Variants in CFAP20DC observed in about 807,000 individuals in gnomAD.
CFAP20DC encodes the protein CFAP20 domain containing.
CFAP20DC carries 84 observed loss-of-function variants against 101.7 expected under a neutral mutation model. That is an observed-to-expected ratio of 0.83 (90% CI 0.69 to 0.99). The LOEUF (loss-of-function observed/expected upper bound fraction) is 0.99, where lower values mean the gene tolerates loss of function less well. Ranked by LOEUF, CFAP20DC falls within the 50% of genes least tolerant of loss-of-function variation. The pLI is 0.00. For synonymous variants in CFAP20DC, 359 were observed against 351.2 expected (o/e 1.02, Z -0.25); for missense variants, 1,007 against 970.3 (o/e 1.04, Z -0.50).
At chr3:58,841,417 T>G (rs969605822) in intron 13 of CFAP20DC, among the ~76,000 whole-genome samples, 3 of 152,250 alleles carry the variant, frequency 2.0e-5, no homozygotes, top group Non-Finnish European at 4.4e-5. Flanking sequence ...TTAAAAATAC[T>G]AAAATAATTT....
At chr3:58,901,213 C>T (rs763354399) in intron 6 of CFAP20DC, among the ~76,000 whole-genome samples, 6 of 152,266 alleles carry the variant, frequency 3.9e-5, no homozygotes, top group East Asian at 3.9e-4. Flanking sequence ...CAAAATATTG[C>T]GATAAAGTGT....
At chr3:58,930,910 C>G (rs1041021249) in intron 5 of CFAP20DC, among the ~76,000 whole-genome samples, 11 of 152,240 alleles carry the variant, frequency 7.2e-5, no homozygotes, top group Middle Eastern at 3.4e-3. Flanking sequence ...GAGTGTCAGA[C>G]AGTGGGCGCA....
At chr3:58,938,929 A>G (rs1041340604) in intron 4 of CFAP20DC, among the ~76,000 whole-genome samples, 5 of 152,200 alleles carry the variant, frequency 3.3e-5, no homozygotes, top group Admixed American at 3.3e-4. Flanking sequence ...CCATAGTCAG[A>G]GCTAAGGTTT....
intron 4 of CFAP20DC, among the ~76,000 whole-genome samples, chr3:59,012,437 T>C (rs1239977338): frequency 6.7e-6 from 1 of 149,826 alleles, no homozygotes; most frequent in African/African-American, 2.5e-5. Flanking sequence ...TGAAAAGACC[T>C]TCAATGACAG....
intron 4 of CFAP20DC, among the ~76,000 whole-genome samples, chr3:58,992,806 A>G (rs915900699): frequency 6.6e-6 from 1 of 152,166 alleles, no homozygotes; most frequent in African/African-American, 2.4e-5. Flanking sequence ...AAATATCTAC[A>G]TAAATATCCA....
At chr3:58,836,560 T>C (rs1408881407) in intron 13 of CFAP20DC, among the ~76,000 whole-genome samples, 2 of 152,062 alleles carry the variant, frequency 1.3e-5, no homozygotes, top group African/African-American at 2.4e-5. Flanking sequence ...AAGAATCTCA[T>C]TCTGTTCTTC....
intron 4 of CFAP20DC, among the ~76,000 whole-genome samples, chr3:58,975,962 G>A (rs971381452): frequency 2.6e-5 from 4 of 152,214 alleles, no homozygotes; most frequent in African/African-American, 7.2e-5. Flanking sequence ...TTTAAACACC[G>A]AAGTGCTTCT....
At chr3:58,989,519 T>C (rs1381243128) in intron 4 of CFAP20DC, among the ~76,000 whole-genome samples, 1 of 152,134 alleles carries the variant, frequency 6.6e-6, no homozygotes, top group Admixed American at 6.5e-5. Context: ...CAAGATTCAT[T>C]AATAAACTTT....
intron 3 of CFAP20DC, among the ~76,000 whole-genome samples, chr3:59,044,586 A>C (rs548208904): frequency 6.6e-6 from 1 of 152,216 alleles, no homozygotes; most frequent in South Asian, 2.1e-4. Flanking sequence ...TAAAAAAAAA[A>C]CTTCAGATAA....
At chr3:58,942,707 G>A (rs2088794393) in intron 4 of CFAP20DC, among the ~76,000 whole-genome samples, 1 of 152,074 alleles carries the variant, frequency 6.6e-6, no homozygotes, top group African/African-American at 2.4e-5. Flanking sequence ...GTGGCACCTG[G>A]AACACCAGTG....
At chr3:58,924,512 T>C (rs2085735642) in intron 5 of CFAP20DC, among the ~76,000 whole-genome samples, 1 of 152,314 alleles carries the variant, frequency 6.6e-6, no homozygotes, top group South Asian at 2.1e-4. Flanking sequence ...GTCTTTGCTA[T>C]TGTGAATAGT....
chr3:58,774,679 G>A (rs2071159871), intron 15 of CFAP20DC, among the ~76,000 whole-genome samples: 1 of 152,220 alleles, frequency 6.6e-6, no homozygotes, highest in Non-Finnish European at 1.5e-5. Context: ...TTTTTAAGAT[G>A]TGAATGTGAA....
chr3:58,780,943 C>A (rs115836756), intron 15 of CFAP20DC, among the ~76,000 whole-genome samples: 2 of 151,894 alleles, frequency 1.3e-5, no homozygotes, highest in Admixed American at 6.6e-5. Flanking sequence ...ATGAACCCAA[C>A]GGAAATTTAA....
At chr3:58,768,107 C>G (rs1431975025) in intron 15 of CFAP20DC, among the ~76,000 whole-genome samples, 1 of 152,172 alleles carries the variant, frequency 6.6e-6, no homozygotes, top group Non-Finnish European at 1.5e-5. Flanking sequence ...ATAGCCACCT[C>G]TAAGCACATG....
downstream of CFAP20DC, among the ~76,000 whole-genome samples, chr3:58,738,388 T>A (rs1361798719): frequency 6.6e-6 from 1 of 152,110 alleles, no homozygotes; most frequent in Non-Finnish European, 1.5e-5. This position sits in a 1 kb window ranked among gnomAD's most constrained non-coding sequence, Gnocchi z 4.4. Flanking sequence ...CTCTTCCCTG[T>A]GTCCATGTGT....
At chr3:58,790,316 C>T (rs529462892) in intron 15 of CFAP20DC, among the ~76,000 whole-genome samples, 5 of 151,578 alleles carry the variant, frequency 3.3e-5, no homozygotes, top group South Asian at 2.1e-4. Flanking sequence ...TGATATGGAC[C>T]GGAGACAGGG....
At chr3:59,029,164 T>C (rs1223530147) in intron 4 of CFAP20DC, among the ~76,000 whole-genome samples, 1 of 152,126 alleles carries the variant, frequency 6.6e-6, no homozygotes, top group Non-Finnish European at 1.5e-5. Flanking sequence ...AGTCCACCCA[T>C]CCTTCCGCCC....
At chr3:58,849,556 A>G in intron 12 of CFAP20DC, 147 bp from the exon 13 acceptor site, 3 of 625,490 alleles carry the variant, frequency 4.8e-6, no homozygotes, top group South Asian at 4.9e-5. Context: ...GCAAAGAAAA[A>G]CATGAGTAAC....
chr3:58,820,879 C>A (rs1415369857), intron 14 of CFAP20DC, among the ~76,000 whole-genome samples: 1 of 149,976 alleles, frequency 6.7e-6, no homozygotes, highest in Non-Finnish European at 1.5e-5. Context: ...CATCACACTA[C>A]CTGACTTCAA....
Sources: gnomAD v4.1 joint callset for allele counts (sites outside exome capture counted in the v4.1 genomes callset) on GRCh38, gnomAD v4.1.1 for gene constraint, Gnocchi (gnomAD v3.1) non-coding constraint, MANE v1.5 for transcripts, NCBI Gene and HGNC (gene_info 2026-07-23, HGNC 2026-07-21) for gene names.